Variants in SIPA1L1 observed in about 807,000 individuals in gnomAD.
The protein encoded by SIPA1L1 is signal induced proliferation associated 1 like 1, also known as signal-induced proliferation-associated 1-like protein 1.
Under a neutral mutation model 162.7 loss-of-function variants are expected in SIPA1L1, and 26 were observed. That is an observed-to-expected ratio of 0.16 (90% CI 0.12 to 0.22). The LOEUF (loss-of-function observed/expected upper bound fraction) is 0.22, where lower values mean the gene tolerates loss of function less well. Ranked by LOEUF, SIPA1L1 falls within the 10% of genes least tolerant of loss-of-function variation. SIPA1L1 has a pLI of 1.00. For synonymous variants in SIPA1L1, 829 were observed against 837.4 expected, an observed-to-expected ratio of 0.99 and a Z score of 0.17; for missense variants, 1,874 against 2,241.0, an observed-to-expected ratio of 0.84 and a Z score of 3.31.
chr14:71,738,688 C>T (rs1425127005), intron 23 of SIPA1L1, among the ~76,000 whole-genome samples: 1 of 152,036 alleles, frequency 6.6e-6, no homozygotes, highest in Non-Finnish European at 1.5e-5. Context: ...TTTTGGGTGG[C>T]CTTGACTATA....
In SIPA1L1 at chr14:71,627,131, C is replaced by CTTTTTT. The variant is rs71105788; in HGVS notation, c.1818+2933_1818+2938dup. ...TGATGCCTTTCTGGGACTTTCACTA[C>CTTTTTT]TTTTTTTTTTTTTTTTTTTTTTTTT... On this transcript the variant is annotated intron_variant, in intron 7 of 23. Transcript: ENST00000381232. 1.1e-3 allele frequency among the ~76,000 whole-genome samples: 53 copies of CTTTTTT among 48,788 alleles called. 3 individuals are homozygous for CTTTTTT. Among genetic ancestry groups the CTTTTTT allele is most frequent in the South Asian group, 4.6e-3 (5 of 1,088 alleles). 32.0% of individuals were successfully genotyped at this position (48,788 alleles called of 152,430 possible).
chr14:71,424,406 A>C (rs1445246923), intron 2 of SIPA1L1, among the ~76,000 whole-genome samples: 2 of 152,044 alleles, frequency 1.3e-5, no homozygotes, highest in Non-Finnish European at 2.9e-5. Context: ...GATGTTTGCA[A>C]CTGGTTTTTC....
At chr14:71,481,469 G>A (rs981412431) in intron 2 of SIPA1L1, among the ~76,000 whole-genome samples, 1 of 151,954 alleles carries the variant, frequency 6.6e-6, no homozygotes, top group African/African-American at 2.4e-5. Flanking sequence ...TAGCCTGGGT[G>A]ATAGCCAGAC....
At chr14:71,358,958 C>T (rs994241115) in intron 2 of SIPA1L1, among the ~76,000 whole-genome samples, 22 of 152,170 alleles carry the variant, frequency 1.4e-4, no homozygotes, top group African/African-American at 5.1e-4. Context: ...TTGCACCAGG[C>T]CCCACCTCTA....
chr14:71,566,844 GAT>G, intron 4 of SIPA1L1, among the ~76,000 whole-genome samples: 1 of 152,138 alleles, frequency 6.6e-6, no homozygotes, highest in Middle Eastern at 3.4e-3. Context: ...TTCAAATACA[GAT>G]ATATAAAAAA....
intron 2 of SIPA1L1, among the ~76,000 whole-genome samples, chr14:71,399,867 T>C (rs2041526560): frequency 6.6e-6 from 1 of 152,046 alleles, no homozygotes; most frequent in African/African-American, 2.4e-5. Flanking sequence ...ATTACAGGTG[T>C]ATACCATGAC....
intron 2 of SIPA1L1, among the ~76,000 whole-genome samples, chr14:71,410,255 A>C (rs1566986873): frequency 6.6e-6 from 1 of 152,146 alleles, no homozygotes; most frequent in Non-Finnish European, 1.5e-5. Flanking sequence ...CACTATGTCT[A>C]CCTTAGTACT....
intron 2 of SIPA1L1, among the ~76,000 whole-genome samples, chr14:71,455,333 C>CT (rs1314940171): frequency 6.6e-6 from 1 of 152,040 alleles, no homozygotes; most frequent in Non-Finnish European, 1.5e-5. Context: ...GTTTTTCTTG[C>CT]TTTTTTTCAT....
intron 2 of SIPA1L1, among the ~76,000 whole-genome samples, chr14:71,420,542 G>C (rs960347906): frequency 6.6e-6 from 1 of 152,152 alleles, no homozygotes; most frequent in African/African-American, 2.4e-5. Context: ...ATTCCCACCA[G>C]ATCACTCAGT....
chr14:71,387,456 G>GA (rs1269947591), intron 2 of SIPA1L1, among the ~76,000 whole-genome samples: 1 of 151,744 alleles, frequency 6.6e-6, no homozygotes, highest in East Asian at 1.9e-4. Context: ...AGGAACAAAA[G>GA]AAAAAAATAG....
chr14:71,371,107 T>C, intron 2 of SIPA1L1, among the ~76,000 whole-genome samples: 1 of 152,178 alleles, frequency 6.6e-6, no homozygotes, highest in East Asian at 1.9e-4. Context: ...TAAATAATGC[T>C]GTTTTCTCAT....
At chr14:71,723,079 C>T (rs1439897750) in intron 17 of SIPA1L1, among the ~76,000 whole-genome samples, 1 of 152,262 alleles carries the variant, frequency 6.6e-6, no homozygotes, top group East Asian at 1.9e-4. Flanking sequence ...GTTTTGTAAT[C>T]TTTAACCGAT....
At chr14:71,566,538 T>C (rs557232886) in intron 4 of SIPA1L1, among the ~76,000 whole-genome samples, 1 of 152,174 alleles carries the variant, frequency 6.6e-6, no homozygotes, top group African/African-American at 2.4e-5. Flanking sequence ...AAATGCACCA[T>C]CAAAACAGAA....
chr14:71,544,044 C>A (rs751772562), intron 4 of SIPA1L1, among the ~76,000 whole-genome samples: 1 of 145,994 alleles, frequency 6.8e-6, no homozygotes, highest in Non-Finnish European at 1.5e-5. Flanking sequence ...TATATACACA[C>A]GCACGCACAT....
chr14:71,738,308 C>T lies in SIPA1L1; in HGVS notation c.5191C>T (p.Arg1731Trp), dbSNP rs2152880816. 5 of 1,612,756 alleles carry T rather than the reference C, an allele frequency of 3.1e-6. No individual in the cohort carries two copies. The highest frequency in any genetic ancestry group is 2.2e-5 in the East Asian group (1 of 44,856). ...GCTGGAAGGTATGCTGAAGATGCTT[C>T]GGGAAGATTTGAAGAAGGTAAACAT... ...DQLEGMLKML[R>W]EDLKKEKEDK... The change falls in exon 23 of 24, where the codon CGG (arginine) becomes TGG (tryptophan). Residue 1731 changes from arginine to tryptophan, a missense_variant. Coordinates refer to ENST00000381232, the MANE Select transcript of SIPA1L1 (RefSeq NM_001386936.1).
chr14:71,362,601 A>G (rs1170325831), intron 2 of SIPA1L1, among the ~76,000 whole-genome samples: 1 of 152,188 alleles, frequency 6.6e-6, no homozygotes, highest in Admixed American at 6.5e-5. Context: ...TCTTTGATCA[A>G]ATTGATATTT....
intron 5 of SIPA1L1, among the ~76,000 whole-genome samples, chr14:71,607,165 A>G (rs1182690676): frequency 6.6e-6 from 1 of 151,758 alleles, no homozygotes; most frequent in Admixed American, 6.6e-5. Context: ...TCCGAGTTCC[A>G]GGGGGAGGTG....
At chr14:71,669,797 G>A (rs957147855) in intron 10 of SIPA1L1, among the ~76,000 whole-genome samples, 1 of 152,124 alleles carries the variant, frequency 6.6e-6, no homozygotes, top group Non-Finnish European at 1.5e-5. Flanking sequence ...CCAACAGATA[G>A]GCCATCCCAT....
chr14:71,550,255 CA>C (rs2055685696), intron 4 of SIPA1L1, among the ~76,000 whole-genome samples: 1 of 151,958 alleles, frequency 6.6e-6, no homozygotes, highest in Non-Finnish European at 1.5e-5. Flanking sequence ...GTCTCAAAAA[CA>C]GAAATTTTTT....
Sources: gnomAD v4.1 joint callset for allele counts (sites outside exome capture counted in the v4.1 genomes callset) on GRCh38, gnomAD v4.1.1 for gene constraint, MANE v1.5 for transcripts, NCBI Gene and HGNC (gene_info 2026-07-23, HGNC 2026-07-21) for gene names.